TACR1: variants seen among roughly 807,000 people sequenced by gnomAD.
TACR1 encodes tachykinin receptor 1.
Under a neutral mutation model 35.8 loss-of-function variants are expected in TACR1, and 25 were observed. That is an observed-to-expected ratio of 0.70 (90% CI 0.51 to 0.98). The LOEUF (loss-of-function observed/expected upper bound fraction) is 0.98, where lower values mean the gene tolerates loss of function less well. Among genes scored for constraint, TACR1 ranks in the 50% least tolerant of loss-of-function variants. TACR1 has a pLI of 0.00. For missense variants in TACR1, 478 were observed against 522.9 expected, an observed-to-expected ratio of 0.91 and a Z score of 0.84; for synonymous variants, 195 against 206.7, an observed-to-expected ratio of 0.94 and a Z score of 0.48.
intron 1 of TACR1, among the ~76,000 whole-genome samples, chr2:75,155,198 C>G (rs1027674314): frequency 4.6e-5 from 7 of 152,214 alleles, no homozygotes; most frequent in African/African-American, 1.7e-4. Flanking sequence ...AGGACCCTCT[C>G]TCCATTCTTG....
intron 1 of TACR1, among the ~76,000 whole-genome samples, chr2:75,190,579 CATA>C (rs1675820023): frequency 6.6e-6 from 1 of 152,162 alleles, no homozygotes; most frequent in South Asian, 2.1e-4. Flanking sequence ...TACTAGAGGG[CATA>C]ATATTAATTA....
At chr2:75,174,172 T>C (rs566598012) in intron 1 of TACR1, among the ~76,000 whole-genome samples, 1 of 152,202 alleles carries the variant, frequency 6.6e-6, no homozygotes, top group Non-Finnish European at 1.5e-5. Context: ...AGTAGTATCA[T>C]TGTTATGACA....
At chr2:75,069,865 A>G (rs1345904271) in intron 2 of TACR1, among the ~76,000 whole-genome samples, 1 of 152,106 alleles carries the variant, frequency 6.6e-6, no homozygotes, top group East Asian at 1.9e-4. Flanking sequence ...CTCCAGGCTG[A>G]GACAGCATTG....
intron 1 of TACR1, among the ~76,000 whole-genome samples, chr2:75,171,290 G>A (rs55688551): frequency 0.11 from 16,016 of 152,258 alleles, 1,060 homozygotes; most frequent in Admixed American, 0.17. Flanking sequence ...GCTTACATGT[G>A]GTGTTGGGTC....
chr2:75,153,154 G>C (rs1309976586), intron 1 of TACR1, among the ~76,000 whole-genome samples: 1 of 152,150 alleles, frequency 6.6e-6, no homozygotes, highest in Non-Finnish European at 1.5e-5. Flanking sequence ...GCCCACCTTG[G>C]CCTCCCAAAT....
At chr2:75,056,449 G>A (rs1672570284) in intron 2 of TACR1, among the ~76,000 whole-genome samples, 1 of 152,196 alleles carries the variant, frequency 6.6e-6, no homozygotes, top group African/African-American at 2.4e-5. Context: ...GCCTGCCGAA[G>A]TTATTCAAAC....
At chr2:75,152,932 C>G (rs186568212) in intron 1 of TACR1, among the ~76,000 whole-genome samples, 1 of 152,324 alleles carries the variant, frequency 6.6e-6, no homozygotes, top group Admixed American at 6.5e-5. Context: ...GAGACGGAGT[C>G]TCATTCTGTC....
chr2:75,112,590 G>A (rs575671027), intron 2 of TACR1, among the ~76,000 whole-genome samples: 137 of 151,908 alleles, frequency 9.0e-4, no homozygotes, highest in African/African-American at 3.0e-3. Flanking sequence ...ATAAGTTCTG[G>A]CTATTTCTTA....
At chr2:75,112,070 C>T (rs1010900822) in intron 2 of TACR1, among the ~76,000 whole-genome samples, 1 of 152,032 alleles carries the variant, frequency 6.6e-6, no homozygotes, top group Non-Finnish European at 1.5e-5. Flanking sequence ...CAGAATCCTA[C>T]AATTTTAGGT....
intron 2 of TACR1, among the ~76,000 whole-genome samples, chr2:75,091,077 G>T (rs1673300555): frequency 6.6e-6 from 1 of 151,644 alleles, no homozygotes; most frequent in Non-Finnish European, 1.5e-5. Context: ...CTTCATTCTT[G>T]GCTCGGTTTG....
intron 1 of TACR1, among the ~76,000 whole-genome samples, chr2:75,195,468 C>T (rs1240833756): frequency 6.6e-6 from 1 of 151,476 alleles, no homozygotes; most frequent in Non-Finnish European, 1.5e-5. Flanking sequence ...CTACAGGAAA[C>T]ATTTAAATTA....
intron 2 of TACR1, among the ~76,000 whole-genome samples, chr2:75,063,788 C>T (rs1672712330): frequency 6.6e-6 from 1 of 152,224 alleles, no homozygotes; most frequent in Admixed American, 6.5e-5. Flanking sequence ...TAACTCAGAA[C>T]ACGTAGGACT....
rs1676075086 is a variant in TACR1 at position 75,199,336 on chromosome 2, G to T, written c.-402C>A. The T allele has an allele frequency of 1.5e-5, 3 of 197,166 alleles. No individual in the cohort carries two copies. In the South Asian group the frequency reaches 3.3e-4, roughly 21 times the overall value. The allele number at this position is 197,166 out of a possible 1,614,324, so 12.2% of individuals were successfully genotyped here. On this transcript the variant is annotated 5_prime_UTR_variant, in exon 1 of 5. Transcript: ENST00000305249. Reference sequence around the variant, plus strand: ...TCCTTCCTCCGCAGGGAAAGGCAAAGCCCTGTGCTGCGTGAGGACTTAGGA... The same window carrying T: ...TCCTTCCTCCGCAGGGAAAGGCAAATCCCTGTGCTGCGTGAGGACTTAGGA...
intron 2 of TACR1, among the ~76,000 whole-genome samples, chr2:75,079,734 G>A (rs1392938265): frequency 1.5e-5 from 2 of 134,796 alleles, no homozygotes; most frequent in South Asian, 4.5e-4. Flanking sequence ...TAAACCTAAT[G>A]CCTTTTTTTT....
intron 1 of TACR1, among the ~76,000 whole-genome samples, chr2:75,157,711 C>G (rs991994768): frequency 2.0e-5 from 3 of 152,210 alleles, no homozygotes; most frequent in Non-Finnish European, 4.4e-5. Context: ...AAACCTGATA[C>G]ATGTATTAAT....
intron 2 of TACR1, among the ~76,000 whole-genome samples, chr2:75,084,022 C>T (rs1274648454): frequency 6.6e-6 from 1 of 152,142 alleles, no homozygotes; most frequent in Non-Finnish European, 1.5e-5. Flanking sequence ...AAAGGGAATG[C>T]TTCCAGTTTT....
chr2:75,140,494 G>A (rs1042284000), intron 1 of TACR1, among the ~76,000 whole-genome samples: 30 of 152,068 alleles, frequency 2.0e-4, no homozygotes, highest in Admixed American at 1.7e-3. Flanking sequence ...TTCCTGATTC[G>A]TCTGTTTCAA....
chr2:75,063,227 C>T (rs1672703427), intron 2 of TACR1, among the ~76,000 whole-genome samples: 1 of 152,178 alleles, frequency 6.6e-6, no homozygotes, highest in Non-Finnish European at 1.5e-5. Context: ...CAAACCATAT[C>T]AATAATTATG....
intron 2 of TACR1, among the ~76,000 whole-genome samples, chr2:75,055,305 G>A (rs1672547630): frequency 6.6e-6 from 1 of 152,234 alleles, no homozygotes; most frequent in East Asian, 1.9e-4. Flanking sequence ...GACTGCTTAA[G>A]TGACAAATCA....
Sources: gnomAD v4.1 joint callset for allele counts (sites outside exome capture counted in the v4.1 genomes callset) on GRCh38, gnomAD v4.1.1 for gene constraint, MANE v1.5 for transcripts, NCBI Gene and HGNC (gene_info 2026-07-23, HGNC 2026-07-21) for gene names.